The following KCNQ5 variants were observed in gnomAD, a reference collection of about 807,000 sequenced individuals.
KCNQ5 encodes the protein potassium voltage-gated channel subfamily Q member 5.
A neutral mutation model predicts 98.2 loss-of-function variants in KCNQ5; 30 were observed. The observed-to-expected ratio is 0.31, with a 90% CI of 0.23 to 0.41. KCNQ5 has a LOEUF of 0.41. Ranked by LOEUF, KCNQ5 falls within the 10% of genes least tolerant of loss-of-function variation. The pLI, the probability that KCNQ5 is intolerant of heterozygous loss-of-function variation, is 1.00. For synonymous variants in KCNQ5, 458 were observed against 449.4 expected (o/e 1.02, Z -0.24); for missense variants, 835 against 1,182.5 (o/e 0.71, Z 4.31).
chr6:72,943,002 G>A (rs1043997452), intron 1 of KCNQ5, among the ~76,000 whole-genome samples: 8 of 152,222 alleles, frequency 5.3e-5, no homozygotes, highest in African/African-American at 1.9e-4. Context: ...TTAAATAATC[G>A]ATTTTTTTAT....
chr6:73,034,032 G>A (rs945832369), intron 2 of KCNQ5, among the ~76,000 whole-genome samples: 4 of 152,150 alleles, frequency 2.6e-5, no homozygotes, highest in Admixed American at 1.3e-4. Context: ...ACACAATTCC[G>A]GAAGATATTT....
chr6:72,962,105 G>A (rs1031491687), intron 1 of KCNQ5, among the ~76,000 whole-genome samples: 3 of 151,154 alleles, frequency 2.0e-5, no homozygotes, highest in Non-Finnish European at 4.4e-5. Context: ...TTGAGCCTGG[G>A]AGACAGAGTT....
At chr6:72,682,652 T>C (rs1357777566) in intron 1 of KCNQ5, among the ~76,000 whole-genome samples, 1 of 152,210 alleles carries the variant, frequency 6.6e-6, no homozygotes, top group East Asian at 1.9e-4. Flanking sequence ...ATAAATTTTC[T>C]ATCTCTATGA....
intron 2 of KCNQ5, among the ~76,000 whole-genome samples, chr6:73,034,839 C>CTTTT (rs71669816): frequency 3.5e-5 from 4 of 113,536 alleles, no homozygotes; most frequent in African/African-American, 9.3e-5. Context: ...TGCCTCTTTT[C>CTTTT]TTTTTTTTTT....
Position 73,129,796 on chromosome 6 carries a change from G to C in KCNQ5, c.1248-3625G>C, listed in dbSNP as rs1178582855. 1 of 1,612,520 alleles carries C rather than the reference G, an allele frequency of 6.2e-7. No homozygotes were observed. Among genetic ancestry groups the C allele is most frequent in the Non-Finnish European group, 8.5e-7 (1 of 1,178,924 alleles). On this transcript the variant is annotated intron_variant, in intron 9 of 13. Transcript: ENST00000370398. ...GCTCTATTTCCCTCACTCCTAGTAA[G>C]TTCTGTAGTAATAAGCAGAAGCTCT... is the stretch of plus-strand genomic sequence containing the variant.
Position 72,890,148 on chromosome 6 carries a change from G to T in KCNQ5, c.399-113760G>T, listed in dbSNP as rs1779002911. On this transcript the variant is annotated intron_variant, in intron 1 of 13. Coordinates refer to ENST00000370398, the MANE Select transcript of KCNQ5 (RefSeq NM_019842.4). ...AAACATAATTGATATATTTAAAATT[G>T]CATATATTTAATATATACATTTTGA... Among the ~76,000 whole-genome samples the T allele has an allele frequency of 2.0e-5, 3 of 152,256 alleles. No homozygotes were observed. In the South Asian group the frequency reaches 6.2e-4, roughly 32 times the overall value.
At chr6:72,800,332 T>C (rs900388311) in intron 1 of KCNQ5, among the ~76,000 whole-genome samples, 1 of 152,154 alleles carries the variant, frequency 6.6e-6, no homozygotes, top group African/African-American at 2.4e-5. Flanking sequence ...AGAGATTCAA[T>C]TTCTTCCTGG....
chr6:72,711,928 G>A (rs1769389908), intron 1 of KCNQ5, among the ~76,000 whole-genome samples: 1 of 152,156 alleles, frequency 6.6e-6, no homozygotes, highest in South Asian at 2.1e-4. Context: ...CATCCAAGTG[G>A]AGAATCAGTC....
chr6:72,841,746 T>A (rs1307046264), intron 1 of KCNQ5, among the ~76,000 whole-genome samples: 2 of 152,184 alleles, frequency 1.3e-5, no homozygotes, highest in Non-Finnish European at 2.9e-5. Context: ...TTTGGATATG[T>A]AATCCTAATT....
chr6:72,817,527 C>T (rs796467306), intron 1 of KCNQ5, among the ~76,000 whole-genome samples: 6 of 152,154 alleles, frequency 3.9e-5, no homozygotes, highest in African/African-American at 9.7e-5. Flanking sequence ...AAGTACCGCT[C>T]AGTGCAATCA....
intron 10 of KCNQ5, among the ~76,000 whole-genome samples, chr6:73,163,762 TA>T (rs1197886324): frequency 2.0e-5 from 3 of 152,000 alleles, no homozygotes; most frequent in Admixed American, 1.3e-4. Context: ...ATAAAATAAA[TA>T]AATAAGTAAA....
At chr6:73,025,536 A>G (rs1770832322) in intron 2 of KCNQ5, among the ~76,000 whole-genome samples, 1 of 151,104 alleles carries the variant, frequency 6.6e-6, no homozygotes, top group African/African-American at 2.4e-5. Flanking sequence ...AGGCAGGAGA[A>G]TCACTTGAGC....
intron 3 of KCNQ5, among the ~76,000 whole-genome samples, chr6:73,072,896 C>CTT (rs543457620): frequency 6.7e-6 from 1 of 148,604 alleles, no homozygotes; most frequent in Admixed American, 6.7e-5. Context: ...GGATTACATG[C>CTT]TTTTTTTTTT....
chr6:73,022,987 T>A (rs539591019), intron 2 of KCNQ5, among the ~76,000 whole-genome samples: 1 of 152,316 alleles, frequency 6.6e-6, no homozygotes, highest in Non-Finnish European at 1.5e-5. Flanking sequence ...AGTAGCACAA[T>A]GACCTGATCT....
intron 2 of KCNQ5, among the ~76,000 whole-genome samples, chr6:73,029,662 G>A (rs1422984145): frequency 6.6e-6 from 1 of 151,726 alleles, no homozygotes; most frequent in East Asian, 1.9e-4. Context: ...GGCCGGGCGC[G>A]GTGGCTCACG....
chr6:72,903,832 T>C (rs528689884), intron 1 of KCNQ5, among the ~76,000 whole-genome samples: 1 of 152,342 alleles, frequency 6.6e-6, no homozygotes, highest in South Asian at 2.1e-4. Context: ...GTTCTGTATA[T>C]ATCTGTTAAG....
chr6:72,924,078 T>G (rs1261940911), intron 1 of KCNQ5, among the ~76,000 whole-genome samples: 1 of 152,184 alleles, frequency 6.6e-6, no homozygotes, highest in Non-Finnish European at 1.5e-5. Flanking sequence ...CTTGGGAGAT[T>G]TTTATAGTAT....
intron 1 of KCNQ5, among the ~76,000 whole-genome samples, chr6:72,813,241 C>T (rs1311571116): frequency 6.6e-6 from 1 of 151,978 alleles, no homozygotes; most frequent in Non-Finnish European, 1.5e-5. Flanking sequence ...ATCTTTTTTT[C>T]AGGGGCTTAT....
chr6:72,696,169 G>A (rs1192050518), intron 1 of KCNQ5, among the ~76,000 whole-genome samples: 2 of 152,110 alleles, frequency 1.3e-5, no homozygotes, highest in Admixed American at 6.6e-5. Flanking sequence ...ATATCTAAAA[G>A]GTTGTTCGCA....
Sources: allele counts gnomAD v4.1 joint callset (sites outside exome capture counted in the v4.1 genomes callset), GRCh38; gene constraint gnomAD v4.1.1; transcripts MANE v1.5; gene names NCBI Gene and HGNC (gene_info 2026-07-23, HGNC 2026-07-21).